The following FRMD4B variants were observed in gnomAD, a reference collection of about 807,000 sequenced individuals.
FRMD4B encodes the protein FERM domain containing 4B.
FRMD4B carries 74 observed loss-of-function variants against 141.5 expected under a neutral mutation model. That is an observed-to-expected ratio of 0.52 (90% CI 0.43 to 0.63). The LOEUF (loss-of-function observed/expected upper bound fraction) is 0.63, where lower values mean the gene tolerates loss of function less well. Among genes scored for constraint, FRMD4B ranks in the 30% least tolerant of loss-of-function variants. The probability of loss-of-function intolerance (pLI) is 0.00; values close to 1 mark genes in which losing one functional copy is unlikely to be tolerated. For missense variants in FRMD4B, 1,366 were observed against 1,253.4 expected, an observed-to-expected ratio of 1.09 and a Z score of -1.36; for synonymous variants, 506 against 467.9, an observed-to-expected ratio of 1.08 and a Z score of -1.05.
chr3:69,219,976 T>C (rs2093178617), intron 9 of FRMD4B, among the ~76,000 whole-genome samples: 1 of 152,258 alleles, frequency 6.6e-6, no homozygotes, highest in South Asian at 2.1e-4. Flanking sequence ...GGCTACATAG[T>C]ATTCCATGGT....
At chr3:69,311,139 C>T in intron 3 of FRMD4B, 124 bp downstream of exon 3, 1 of 504,272 alleles carries the variant, frequency 2.0e-6, no homozygotes. Flanking sequence ...ATTAAAAAAC[C>T]TTTAGCTAAG....
At chr3:69,337,280 C>T (rs1702587855) in intron 1 of FRMD4B, among the ~76,000 whole-genome samples, 1 of 152,134 alleles carries the variant, frequency 6.6e-6, no homozygotes, top group Non-Finnish European at 1.5e-5. Flanking sequence ...TGGATCCCTT[C>T]CTTACAACTT....
chr3:69,482,494 G>A (rs1458759673), intron 1 of FRMD4B, among the ~76,000 whole-genome samples: 4 of 152,176 alleles, frequency 2.6e-5, no homozygotes, highest in Non-Finnish European at 4.4e-5. Flanking sequence ...AGGAAGAAAA[G>A]AGAGAGGGGG....
At chr3:69,455,663 G>C (rs959062157) in intron 1 of FRMD4B, among the ~76,000 whole-genome samples, 2 of 152,230 alleles carry the variant, frequency 1.3e-5, no homozygotes, top group Non-Finnish European at 2.9e-5. Flanking sequence ...AAGTCAGTGA[G>C]ACCAAAAACC....
At chr3:69,510,209 T>C (rs1271679976) in intron 1 of FRMD4B, among the ~76,000 whole-genome samples, 1 of 152,094 alleles carries the variant, frequency 6.6e-6, no homozygotes, top group Non-Finnish European at 1.5e-5. Flanking sequence ...AAACTGATAG[T>C]AATAATAGCG....
upstream of FRMD4B, among the ~76,000 whole-genome samples, chr3:69,389,196 G>T (rs1192109906): frequency 1.3e-5 from 2 of 151,904 alleles, no homozygotes; most frequent in African/African-American, 4.8e-5. Flanking sequence ...ACCACGCCAG[G>T]CTAATTTTTG....
chr3:69,329,516 A>ATTTTGTTTT (rs1702296965), intron 1 of FRMD4B, among the ~76,000 whole-genome samples: 1 of 55,560 alleles, frequency 1.8e-5, no homozygotes, highest in African/African-American at 5.9e-5. Flanking sequence ...TGCCCAGCTA[A>ATTTTGTTTT]TTTTTTTTTT....
intron 1 of FRMD4B, among the ~76,000 whole-genome samples, chr3:69,383,723 C>G (rs1338140406): frequency 6.6e-6 from 1 of 152,086 alleles, no homozygotes; most frequent in Non-Finnish European, 1.5e-5. Flanking sequence ...CTATACCTGG[C>G]TGATTTTTAA....
intron 1 of FRMD4B, among the ~76,000 whole-genome samples, chr3:69,376,135 A>T (rs1027136578): frequency 5.9e-5 from 9 of 152,196 alleles, no homozygotes; most frequent in Middle Eastern, 3.2e-3. Flanking sequence ...CAGATGTGAC[A>T]TAATTATAAA....
intron 4 of FRMD4B, among the ~76,000 whole-genome samples, chr3:69,290,672 T>A (rs555765964): frequency 6.6e-6 from 1 of 152,316 alleles, no homozygotes; most frequent in South Asian, 2.1e-4. Flanking sequence ...CCCTGAGCTC[T>A]TACTGAGGTG....
chr3:69,257,968 AG>A (rs1163525812), intron 5 of FRMD4B, among the ~76,000 whole-genome samples: 1 of 152,196 alleles, frequency 6.6e-6, no homozygotes, highest in Non-Finnish European at 1.5e-5. Flanking sequence ...CTGGGACTAC[AG>A]GTGCGTGCCA....
intron 2 of FRMD4B, among the ~76,000 whole-genome samples, chr3:69,395,462 G>A (rs542716847): frequency 6.6e-6 from 1 of 152,048 alleles, no homozygotes; most frequent in Non-Finnish European, 1.5e-5. Context: ...TCAAGGCCGG[G>A]TATACTCTGA....
chr3:69,494,553 G>A lies in FRMD4B; in HGVS notation c.-129+47653C>T, dbSNP rs1469693124. ...AAAGCCAAAGGCTGAGTTCACACAT[G>A]TGGGAAGAGGGGTGGTAGTCAAAGT... is the stretch of plus-strand genomic sequence containing the variant. On this transcript the variant is annotated intron_variant, in intron 1 of 5. Transcript: ENST00000459638. 2.0e-5 allele frequency among the ~76,000 whole-genome samples: 3 copies of A among 152,176 alleles called. No individual in the cohort carries two copies. The East Asian group carries it at 5.8e-4, about 29-fold the overall frequency.
chr3:69,216,481 G>C (rs2093142435), intron 10 of FRMD4B, 132 bp from the exon 11 acceptor site: 3 of 576,120 alleles, frequency 5.2e-6, no homozygotes, highest in Non-Finnish European at 9.3e-6. Flanking sequence ...CACCAGGCTG[G>C]AGTGCAGTGG....
Position 69,169,832 on chromosome 3 carries a change from G to A in FRMD4B, c.*2029C>T, listed in dbSNP as rs559821391. On this transcript the variant is annotated 3_prime_UTR_variant, in exon 23 of 23. Transcript: ENST00000398540. ...CCACTCCCTTCTCCACATTATGTAG[G>A]ATTAAAGGATGTCAGAGAACTAATT... Among the ~76,000 whole-genome samples, 2 of 152,216 alleles carry A rather than the reference G, an allele frequency of 1.3e-5. No individual in the cohort carries two copies. Among genetic ancestry groups the A allele is most frequent in the East Asian group, 3.9e-4 (2 of 5,182 alleles).
chr3:69,260,418 G>C (rs2093518970), intron 5 of FRMD4B, among the ~76,000 whole-genome samples: 1 of 152,240 alleles, frequency 6.6e-6, no homozygotes, highest in Admixed American at 6.5e-5. Context: ...TTAGCACCCA[G>C]CCAGCAGCTG....
At chr3:69,444,643 G>A (rs1705385533) in intron 1 of FRMD4B, among the ~76,000 whole-genome samples, 1 of 152,034 alleles carries the variant, frequency 6.6e-6, no homozygotes. Flanking sequence ...TGTTTGTAAT[G>A]GAAAAGAAAA....
chr3:69,481,467 A>T (rs916125210), intron 1 of FRMD4B, among the ~76,000 whole-genome samples: 6 of 152,190 alleles, frequency 3.9e-5, no homozygotes, highest in Non-Finnish European at 2.9e-5. Flanking sequence ...TAGATGAATG[A>T]ACCCCAGTAT....
chr3:69,408,605 TATC>T (rs1159039688), intron 2 of FRMD4B, among the ~76,000 whole-genome samples: 2 of 152,016 alleles, frequency 1.3e-5, no homozygotes, highest in African/African-American at 2.4e-5. Flanking sequence ...AGGAAAATGA[TATC>T]ATAAAAAGGA....
Sources: allele counts gnomAD v4.1 joint callset (sites outside exome capture counted in the v4.1 genomes callset), GRCh38; gene constraint gnomAD v4.1.1; transcripts MANE v1.5; gene names NCBI Gene and HGNC (gene_info 2026-07-23, HGNC 2026-07-21).